GPR158: variants seen among roughly 807,000 people sequenced by gnomAD.
GPR158 encodes the protein G protein-coupled receptor 158.
Under a neutral mutation model 78.2 loss-of-function variants are expected in GPR158, and 30 were observed. The observed-to-expected ratio is 0.38, with a 90% CI of 0.29 to 0.52. The LOEUF (loss-of-function observed/expected upper bound fraction) is 0.52, where lower values mean the gene tolerates loss of function less well. GPR158 is among the 20% of genes least tolerant of loss of function. The pLI is 0.83. For synonymous variants in GPR158, 581 were observed against 591.1 expected (o/e 0.98, Z 0.25); for missense variants, 1,463 against 1,523.5 (o/e 0.96, Z 0.66).
chr10:25,490,518 C>T (rs1280430957), intron 5 of GPR158, among the ~76,000 whole-genome samples: 2 of 137,496 alleles, frequency 1.5e-5, no homozygotes, highest in Non-Finnish European at 3.1e-5. Flanking sequence ...GTTCAATTCC[C>T]ACCTATGAGT....
intron 2 of GPR158, among the ~76,000 whole-genome samples, chr10:25,255,841 A>C (rs1419504018): frequency 6.6e-6 from 1 of 152,166 alleles, no homozygotes; most frequent in Non-Finnish European, 1.5e-5. Context: ...ACATTCCTTC[A>C]TCTTTGTCGG....
intron 2 of GPR158, among the ~76,000 whole-genome samples, chr10:25,312,085 T>C (rs1854772583): frequency 6.6e-6 from 1 of 152,076 alleles, no homozygotes; most frequent in Admixed American, 6.5e-5. Context: ...GATTTTTTTG[T>C]AATGTTTTTC....
rs763070278 is a variant in GPR158, at chr10:25,176,184, G to C, written c.764G>C (p.Gly255Ala). 65 of 1,574,564 alleles carry C rather than the reference G, an allele frequency of 4.1e-5. No homozygotes were observed. Among genetic ancestry groups the C allele is most frequent in the Non-Finnish European group, 5.4e-5 (63 of 1,160,598 alleles). ...GGCCACAGCTGGCGGCGCAAGGACG[G>C]GCTCGGCGGGGACAAGAGCCACTTC... ...GLGHSWRRKD[G>A]LGGDKSHFKW... Residue 255 changes from glycine to alanine, a missense_variant, in exon 1 of 11, where the codon GGG becomes GCG. By Grantham distance (60) the Gly-to-Ala change is moderately conservative (BLOSUM62 0). Transcript: ENST00000376351. This position sits in a 1 kb window ranked among gnomAD's most constrained non-coding sequence, Gnocchi z 6.3.
At chr10:25,234,220 G>A (rs1853492657) in intron 2 of GPR158, among the ~76,000 whole-genome samples, 1 of 152,034 alleles carries the variant, frequency 6.6e-6, no homozygotes, top group Non-Finnish European at 1.5e-5. Context: ...CCTTACTTCT[G>A]TGATTCGACT....
At chr10:25,375,981 C>T (rs1834073678) in intron 2 of GPR158, among the ~76,000 whole-genome samples, 2 of 151,602 alleles carry the variant, frequency 1.3e-5, no homozygotes, top group African/African-American at 4.8e-5. Flanking sequence ...GAAGAATTGA[C>T]ATCTTTATTA....
intron 3 of GPR158, among the ~76,000 whole-genome samples, chr10:25,407,803 A>G (rs1208278631): frequency 1.3e-5 from 2 of 152,112 alleles, no homozygotes; most frequent in Non-Finnish European, 2.9e-5. Context: ...GGATTATTAC[A>G]GTAGCTTCTC....
At chr10:25,189,328 T>C (rs1038068524) in intron 1 of GPR158, among the ~76,000 whole-genome samples, 2 of 152,190 alleles carry the variant, frequency 1.3e-5, no homozygotes, top group East Asian at 1.9e-4. Flanking sequence ...TAAAGGCACA[T>C]GCACACTTGT....
chr10:25,416,956 C>T lies in GPR158; in HGVS notation c.1335+4483C>T, dbSNP rs138948182. 6.0e-4 allele frequency among the ~76,000 whole-genome samples: 91 copies of T among 152,028 alleles called. 2 individuals carry two copies. The highest frequency in any genetic ancestry group is 1.0e-3 in the Admixed American group (16 of 15,284). ...AGATATCAAATGGATTCCATGAGGG[C>T]AGGGATACTGTTCTCACCCAGTGCC... On this transcript the variant is annotated intron_variant, in intron 4 of 10. Transcript: ENST00000376351.
intron 5 of GPR158, among the ~76,000 whole-genome samples, chr10:25,508,389 A>G (rs1836041591): frequency 6.6e-6 from 1 of 152,144 alleles, no homozygotes; most frequent in Admixed American, 6.5e-5. Flanking sequence ...GGGTACTTAT[A>G]AGGGAAGTCA....
intron 2 of GPR158, among the ~76,000 whole-genome samples, chr10:25,249,065 C>G (rs1853749020): frequency 6.6e-6 from 1 of 151,788 alleles, no homozygotes; most frequent in Non-Finnish European, 1.5e-5. Flanking sequence ...GTATTTTATT[C>G]TCTTTGAAGC....
intron 2 of GPR158, among the ~76,000 whole-genome samples, chr10:25,388,786 G>C (rs1834254695): frequency 6.6e-6 from 1 of 152,230 alleles, no homozygotes; most frequent in African/African-American, 2.4e-5. Context: ...TTGCACTCTT[G>C]GGGGGCCTGG....
In GPR158 at chr10:25,557,573, G is replaced by A. The variant is rs188799335; in HGVS notation, c.1514+6488G>A. Among the ~76,000 whole-genome samples the A allele has an allele frequency of 5.6e-4, 85 of 152,258 alleles. 1 individual carries two copies. The highest frequency in any genetic ancestry group is 3.1e-4 in the Non-Finnish European group (21 of 68,028). Reference sequence around the variant, plus strand: ...GACTTCTGATCCTACTGTCCTGTCCGGCATGCAGAGGCCCCCAGCTAAATG... The same window carrying A: ...GACTTCTGATCCTACTGTCCTGTCCAGCATGCAGAGGCCCCCAGCTAAATG... On this transcript the variant is annotated intron_variant, in intron 6 of 10. Transcript: ENST00000376351.
chr10:25,303,989 A>G (rs1180066376), intron 2 of GPR158, among the ~76,000 whole-genome samples: 1 of 152,128 alleles, frequency 6.6e-6, no homozygotes. Flanking sequence ...CTACATCTTT[A>G]TGTGTGTGGT....
At chr10:25,428,861 A>G (rs1026939970) in intron 4 of GPR158, among the ~76,000 whole-genome samples, 2 of 152,096 alleles carry the variant, frequency 1.3e-5, no homozygotes, top group African/African-American at 4.8e-5. Flanking sequence ...ATTCAGATGT[A>G]TATATGAAGA....
intron 2 of GPR158, among the ~76,000 whole-genome samples, chr10:25,315,728 A>G (rs1854837660): frequency 9.9e-6 from 1 of 101,232 alleles, no homozygotes; most frequent in African/African-American, 8.5e-5. Flanking sequence ...TTAAAACTTT[A>G]AAGTTTTAAA....
At chr10:25,353,533 A>G (rs545173184) in intron 2 of GPR158, among the ~76,000 whole-genome samples, 3 of 152,184 alleles carry the variant, frequency 2.0e-5, no homozygotes, top group East Asian at 1.9e-4. Flanking sequence ...TGTAAAATTC[A>G]GAGCTCTGAA....
chr10:25,483,427 G>A (rs905902804), intron 5 of GPR158, among the ~76,000 whole-genome samples: 5 of 151,714 alleles, frequency 3.3e-5, no homozygotes, highest in African/African-American at 1.2e-4. Context: ...AGCTCACCCC[G>A]ACTACCCGAC....
intron 2 of GPR158, among the ~76,000 whole-genome samples, chr10:25,293,631 G>C (rs1461517270): frequency 6.6e-6 from 1 of 152,148 alleles, no homozygotes; most frequent in East Asian, 1.9e-4. Flanking sequence ...GGAAATACCA[G>C]ATAATCAGAT....
At chr10:25,315,407 G>A (rs1226166729) in intron 2 of GPR158, among the ~76,000 whole-genome samples, 2 of 152,032 alleles carry the variant, frequency 1.3e-5, no homozygotes, top group African/African-American at 4.8e-5. Flanking sequence ...TACTTTGATA[G>A]CAAGATCACA....
Sources: allele counts gnomAD v4.1 joint callset (sites outside exome capture counted in the v4.1 genomes callset), GRCh38; gene constraint gnomAD v4.1.1; non-coding constraint Gnocchi (gnomAD v3.1); transcripts MANE v1.5; gene names NCBI Gene and HGNC (gene_info 2026-07-23, HGNC 2026-07-21).